PRICKLE4: variants seen among roughly 807,000 people sequenced by gnomAD.
PRICKLE4 encodes prickle planar cell polarity protein 4.
In PRICKLE4, 40 loss-of-function variants were observed where a neutral mutation model predicts 43.5. That is an observed-to-expected ratio of 0.92 (90% CI 0.71 to 1.20). The LOEUF (loss-of-function observed/expected upper bound fraction) is 1.20, where lower values mean the gene tolerates loss of function less well. Ranked by LOEUF, PRICKLE4 falls within the 50% of genes most tolerant of loss-of-function variation. The pLI is 0.00. For synonymous variants in PRICKLE4, 208 were observed against 197.4 expected (o/e 1.05, Z -0.45); for missense variants, 527 against 491.2 (o/e 1.07, Z -0.69).
rs1177404535 is a variant in PRICKLE4 at position 41,786,513 on chromosome 6, G to A, written c.787+181G>A. ...CTCACCGCGCATCCCTGGCCGGAGC[G>A]TTCCAAGGGCCGCCCGAACCCACCC... On this transcript the variant is annotated intron_variant, in intron 7 of 7. Transcript: ENST00000458694. The A allele has an allele frequency of 5.8e-6, 6 of 1,033,750 alleles. No individual in the cohort carries two copies. In the African/African-American group the frequency reaches 6.6e-5, roughly 11 times the overall value. 64.0% of individuals were successfully genotyped at this position (1,033,750 alleles called of 1,614,324 possible).
In PRICKLE4 at chr6:41,786,738, C is replaced by A. The variant is rs750396548; in HGVS notation, c.788-24C>A. Reference sequence around the variant, plus strand: ...TCCAGCTCCGCGGCTCTGAGACCAGCGTTTCCGACCCGGCCCGGAACAGGG... The same window carrying A: ...TCCAGCTCCGCGGCTCTGAGACCAGAGTTTCCGACCCGGCCCGGAACAGGG... On this transcript the variant is annotated intron_variant, in intron 7 of 7. Transcript: ENST00000458694. The A allele has an allele frequency of 1.6e-5, 26 of 1,612,480 alleles. No homozygotes were observed. The South Asian group carries it at 2.6e-4, about 16-fold the overall frequency.
rs952957786 is a variant in PRICKLE4 at position 41,784,311 on chromosome 6, C to T, written c.240+73C>T. Reference sequence around the variant, plus strand: ...TCTCTTTTCTTACTGTGGGAAGAACCTCAGTCCAGAAGTTAGGGGATGTGG... The same window carrying T: ...TCTCTTTTCTTACTGTGGGAAGAACTTCAGTCCAGAAGTTAGGGGATGTGG... On this transcript the variant is annotated intron_variant, in intron 4 of 7. Transcript: ENST00000458694. The T allele has an allele frequency of 1.4e-5, 18 of 1,247,074 alleles. No homozygotes were observed. In the African/African-American group the frequency reaches 2.3e-4, roughly 16 times the overall value. 77.3% of individuals were successfully genotyped at this position (1,247,074 alleles called of 1,614,324 possible).
Position 41,785,335 on chromosome 6 carries a change from A to G in PRICKLE4, c.379-2A>G. On this transcript the variant is annotated splice_acceptor_variant, in intron 5 of 7. Transcript: ENST00000458694. LOFTEE classifies it high-confidence loss of function. ...ACCACCTCAGCACCTCCCCTCTGAC[A>G]GTGTAGGGAGCTGCTGAAGCCAGGG... 1.2e-6 allele frequency: 2 copies of G among 1,613,658 alleles called. No individual in the cohort carries two copies. The highest frequency in any genetic ancestry group is 1.7e-6 in the Non-Finnish European group (2 of 1,179,752).
In PRICKLE4 at chr6:41,786,923, G is replaced by A. The variant is rs368179907; in HGVS notation, c.949G>A (p.Ala317Thr). The change falls in exon 8 of 8, where the codon GCG (alanine) becomes ACG (threonine). Residue 317 changes from alanine (A) to threonine (T), a missense_variant. Transcript: ENST00000458694. ...GCAGGAGAACCGACCTGGGGACAAA[G>A]CGGAGGCACCCAAAGGGCAGGAGCA... ...PQQENRPGDK[A>T]EAPKGQEQCR... 56 of 1,613,720 alleles carry A rather than the reference G, an allele frequency of 3.5e-5. No homozygotes were observed. Among genetic ancestry groups the A allele is most frequent in the Non-Finnish European group, 4.6e-5 (54 of 1,179,842 alleles).
Position 41,787,024 on chromosome 6 carries a change from T to C in PRICKLE4, c.1050T>C (p.Pro350=), listed in dbSNP as rs768263274. The C allele has an allele frequency of 9.3e-6, 15 of 1,613,846 alleles. No homozygotes were observed. The highest frequency in any genetic ancestry group is 1.3e-5 in the Non-Finnish European group (15 of 1,180,016). Residue 350 remains proline (P), a synonymous_variant, in exon 8 of 8, where the codon CCT becomes CCC. Coordinates refer to ENST00000458694, the MANE Select transcript of PRICKLE4 (RefSeq NM_013397.6). The part of the protein sequence containing the change: ...STCSSSSDSE[P]EGFFLGERLP... ...GCTCCTCCTCCTCTGACTCGGAACCTGAAGGATTTTTCTTAGGCGAGCGCC... is the reference window on the plus strand; with the variant it reads ...GCTCCTCCTCCTCTGACTCGGAACCCGAAGGATTTTTCTTAGGCGAGCGCC...
Position 41,785,325 on chromosome 6 carries a change from C to T in PRICKLE4, c.379-12C>T, listed in dbSNP as rs752347402. ...GCTTACTCCGACCACCTCAGCACCT[C>T]CCCTCTGACAGTGTAGGGAGCTGCT... On this transcript the variant is annotated splice_polypyrimidine_tract_variant and intron_variant, in intron 5 of 7. Coordinates refer to ENST00000458694, the MANE Select transcript of PRICKLE4 (RefSeq NM_013397.6). The T allele has an allele frequency of 1.1e-5, 17 of 1,613,288 alleles. No individual in the cohort carries two copies. Among genetic ancestry groups the T allele is most frequent in the Non-Finnish European group, 1.4e-5 (16 of 1,179,568 alleles).
Position 41,786,749 on chromosome 6 carries a change from C to A in PRICKLE4, c.788-13C>A. The stretch of plus-strand genomic sequence containing the variant: ...GGCTCTGAGACCAGCGTTTCCGACC[C>A]GGCCCGGAACAGGGGAGACTGGACT... On this transcript the variant is annotated splice_polypyrimidine_tract_variant and intron_variant, in intron 7 of 7. Coordinates refer to ENST00000458694, the MANE Select transcript of PRICKLE4 (RefSeq NM_013397.6). 6.2e-7 allele frequency: 1 copy of A among 1,612,970 alleles called. No homozygotes were observed. Among genetic ancestry groups the A allele is most frequent in the Non-Finnish European group, 8.5e-7 (1 of 1,179,944 alleles).
chr6:41,787,293 G>C lies in PRICKLE4; in HGVS notation c.*164G>C. 9.8e-7 allele frequency: 1 copy of C among 1,020,756 alleles called. No individual in the cohort carries two copies. Among genetic ancestry groups the C allele is most frequent in the Non-Finnish European group, 1.4e-6 (1 of 725,170 alleles). The allele number at this position is 1,020,756 out of a possible 1,614,324, so 63.2% of individuals were successfully genotyped here. A position where few individuals can be genotyped will look rare whatever the true frequency, so the allele number is the denominator to read the frequency against. On this transcript the variant is annotated 3_prime_UTR_variant, in exon 8 of 8. Coordinates refer to ENST00000458694, the MANE Select transcript of PRICKLE4 (RefSeq NM_013397.6). Reference sequence around the variant, plus strand: ...TGGAGTGCGCCCCCTTCAGTACTGCGCGTTCTAAGACTTTTGGCGGAGACT... The same window carrying C: ...TGGAGTGCGCCCCCTTCAGTACTGCCCGTTCTAAGACTTTTGGCGGAGACT...
chr6:41,781,396 C>A lies in PRICKLE4; in HGVS notation c.-137C>A, dbSNP rs1452351146. ...AAGTCCCCTCCTGGGGCCCCAGACG[C>A]CCCCTCCTTTCTTGCTGCCTGGAGC... On this transcript the variant is annotated 5_prime_UTR_variant, in exon 2 of 8. Transcript: ENST00000458694. 6.5e-6 allele frequency: 1 copy of A among 153,318 alleles called. No homozygotes were observed. Among genetic ancestry groups the A allele is most frequent in the Non-Finnish European group, 1.5e-5 (1 of 68,578 alleles). The allele number at this position is 153,318 out of a possible 1,614,324, so 9.5% of individuals were successfully genotyped here.
At position 41,784,758 on chromosome 6, in the gene PRICKLE4, G is replaced by T. The variant is rs1219997148; in HGVS notation, c.241-177G>T. 4.0e-6 allele frequency: 3 copies of T among 754,774 alleles called. No homozygotes were observed. In the African/African-American group the frequency reaches 5.3e-5, roughly 13 times the overall value. 46.8% of individuals were successfully genotyped at this position (754,774 alleles called of 1,614,324 possible). ...CCTAGTGGGGCAGGGTGAGACTGAG[G>T]TGGCTTTCTTGAGCTCCTTTCCTTT... is the stretch of plus-strand genomic sequence containing the variant. On this transcript the variant is annotated intron_variant, in intron 4 of 7. Coordinates refer to ENST00000458694, the MANE Select transcript of PRICKLE4 (RefSeq NM_013397.6).
chr6:41,783,784 C>A (rs1409785408), intron 3 of PRICKLE4, 179 bp downstream of exon 3: 1 of 885,222 alleles, frequency 1.1e-6, no homozygotes, highest in Non-Finnish European at 1.9e-6. Flanking sequence ...ACTTTAAACT[C>A]ATTCACATGA....
In PRICKLE4 at chr6:41,785,526, C is replaced by A. The variant is rs1388819075; in HGVS notation, c.568C>A (p.Pro190Thr). The change falls in exon 6 of 8, where the codon CCG becomes ACG. Residue 190 changes from proline (P) to threonine (T), a missense_variant. Transcript: ENST00000458694. ...HHAELLRPRC[P>T]ACDQLIFSWR... The stretch of plus-strand genomic sequence containing the variant: ...TGCAGAGTTGCTGCGCCCGCGCTGC[C>A]CGGCTTGTGACCAGGTACAGCCTGG... 1 of 1,612,842 alleles carries A rather than the reference C, an allele frequency of 6.2e-7. No homozygotes were observed. Among genetic ancestry groups the A allele is most frequent in the African/African-American group, 1.3e-5 (1 of 74,922 alleles).
chr6:41,783,423 G>A (rs779331007), intron 2 of PRICKLE4, 39 bp from the exon 3 acceptor site: 13 of 1,439,040 alleles, frequency 9.0e-6, no homozygotes, highest in South Asian at 7.8e-5. Context: ...ACATTGTAAC[G>A]GCCTAATACA....
rs1772618547 is a variant in PRICKLE4 at position 41,785,063 on chromosome 6, C to G, written c.369C>G (p.Thr123=). ...TACTTCCCAAGCTTGAAGGACACAC[C>G]TGTGAGAAGGTATGTAGCACCCCTC... ...RLVLPKLEGH[T]CEKCRELLKP... is the part of the protein sequence containing the mutation. The change falls in exon 5 of 8, where the codon ACC becomes ACG. Residue 123 remains threonine, a synonymous_variant. Transcript: ENST00000458694. 6.2e-7 allele frequency: 1 copy of G among 1,613,580 alleles called. No homozygotes were observed. The highest frequency in any genetic ancestry group is 8.5e-7 in the Non-Finnish European group (1 of 1,179,830).
Position 41,785,550 on chromosome 6 carries a change from G to C in PRICKLE4, c.582+10G>C. On this transcript the variant is annotated intron_variant, in intron 6 of 7. Coordinates refer to ENST00000458694, the MANE Select transcript of PRICKLE4 (RefSeq NM_013397.6). ...CCCGGCTTGTGACCAGGTACAGCCT[G>C]GAGGGGAGGAACTGGGGGTCTGCCC... 1 of 1,610,532 alleles carries C rather than the reference G, an allele frequency of 6.2e-7. No homozygotes were observed. The highest frequency in any genetic ancestry group is 2.2e-5 in the East Asian group (1 of 44,878).
chr6:41,783,794 A>T, intron 3 of PRICKLE4, 189 bp downstream of exon 3: 1 of 843,344 alleles, frequency 1.2e-6, no homozygotes, highest in South Asian at 1.4e-5. Flanking sequence ...CATTCACATG[A>T]GTATTCATTA....
intron 5 of PRICKLE4, 48 bp downstream of exon 5, chr6:41,785,120 C>T: frequency 6.2e-7 from 1 of 1,603,858 alleles, no homozygotes. Context: ...ATTCTTTGCC[C>T]TCTCATTTCT....
chr6:41,784,317 C>T, intron 4 of PRICKLE4, 79 bp downstream of exon 4: 3 of 1,189,374 alleles, frequency 2.5e-6, no homozygotes, highest in Non-Finnish European at 3.5e-6. Context: ...GAACCTCAGT[C>T]CAGAAGTTAG....
intron 3 of PRICKLE4, 186 bp downstream of exon 3, chr6:41,783,791 A>T: frequency 1.2e-6 from 1 of 849,074 alleles, no homozygotes; most frequent in South Asian, 1.4e-5. Context: ...ACTCATTCAC[A>T]TGAGTATTCA....
Sources: gnomAD v4.1 joint callset for allele counts on GRCh38, gnomAD v4.1.1 for gene constraint, MANE v1.5 for transcripts, NCBI Gene and HGNC (gene_info 2026-07-23, HGNC 2026-07-21) for gene names.